Variants in TAFA5 observed in about 807,000 individuals in gnomAD.
TAFA5 encodes TAFA chemokine like family member 5.
Under a neutral mutation model 15.3 loss-of-function variants are expected in TAFA5, and 6 were observed. The ratio of observed to expected loss-of-function variants is 0.39; its 90% CI spans 0.21 to 0.77. The LOEUF is 0.77. Among genes scored for constraint, TAFA5 ranks in the 30% least tolerant of loss-of-function variants. The pLI is 0.41. For missense variants in TAFA5, 161 were observed against 193.1 expected (o/e 0.83, Z 0.98); for synonymous variants, 103 against 80.7 (o/e 1.28, Z -1.48).
intron 1 of TAFA5, among the ~76,000 whole-genome samples, chr22:48,580,884 A>G (rs1601592574): frequency 6.6e-6 from 1 of 152,028 alleles, no homozygotes; most frequent in Non-Finnish European, 1.5e-5. Context: ...TCCTGGGTGC[A>G]TTGTTTTTAT....
intron 1 of TAFA5, among the ~76,000 whole-genome samples, chr22:48,574,230 C>G (rs528613258): frequency 1.3e-5 from 2 of 152,152 alleles, no homozygotes; most frequent in African/African-American, 4.8e-5. Context: ...GAGGCTGGGG[C>G]CACTCCTTTA....
In TAFA5 at chr22:48,735,347, C is replaced by T. The variant is rs188161191; in HGVS notation, c.391-14492C>T. The stretch of plus-strand genomic sequence containing the variant: ...GTGGGGAGCAGGAGGTGGATCACAG[C>T]TGGCCAGCGTGTCTCATAACCTTGT... On this transcript the variant is annotated intron_variant, in intron 3 of 3. Transcript: ENST00000402357. 2.0e-5 allele frequency among the ~76,000 whole-genome samples: 3 copies of T among 152,314 alleles called. No individual in the cohort carries two copies. The East Asian group carries it at 5.8e-4, about 29-fold the overall frequency.
At chr22:48,697,662 T>C (rs575615986) in intron 2 of TAFA5, among the ~76,000 whole-genome samples, 11 of 151,088 alleles carry the variant, frequency 7.3e-5, no homozygotes, top group African/African-American at 2.4e-4. Context: ...GTAATGGTGA[T>C]AGTGCTAATG....
At chr22:48,632,307 G>A (rs1020941150) in intron 1 of TAFA5, among the ~76,000 whole-genome samples, 3 of 152,132 alleles carry the variant, frequency 2.0e-5, no homozygotes, top group South Asian at 2.1e-4. Flanking sequence ...TTAATCCCGC[G>A]GGGTGATTTT....
In TAFA5 at chr22:48,709,007, G is replaced by A. The variant is rs558138126; in HGVS notation, c.390+1163G>A. 2.9e-3 allele frequency among the ~76,000 whole-genome samples: 441 copies of A among 152,312 alleles called. 2 individuals are homozygous for A. The highest frequency in any genetic ancestry group is 5.4e-3 in the Non-Finnish European group (370 of 68,020). The stretch of plus-strand genomic sequence containing the variant: ...TTCGGGGCTCTCAGGGTCGTCTTCT[G>A]AGAGTCGCACGGCTTTCTGCTGCAG... On this transcript the variant is annotated intron_variant, in intron 3 of 3. Coordinates refer to ENST00000402357, the MANE Select transcript of TAFA5 (RefSeq NM_001082967.3).
At chr22:48,584,790 C>T (rs759022141) in intron 1 of TAFA5, among the ~76,000 whole-genome samples, 6 of 149,502 alleles carry the variant, frequency 4.0e-5, no homozygotes, top group Non-Finnish European at 7.4e-5. Flanking sequence ...ACGCTACATG[C>T]CACTCACCAC....
intron 2 of TAFA5, among the ~76,000 whole-genome samples, chr22:48,663,622 A>C (rs1462975371): frequency 6.6e-6 from 1 of 152,218 alleles, no homozygotes; most frequent in Non-Finnish European, 1.5e-5. Context: ...AAAAATATTA[A>C]ATAGAAATTT....
chr22:48,734,974 C>T (rs984990520), intron 3 of TAFA5, among the ~76,000 whole-genome samples: 7 of 152,164 alleles, frequency 4.6e-5, no homozygotes, highest in African/African-American at 1.7e-4. Context: ...TATTGATCTG[C>T]ATGTGGCGTG....
At chr22:48,606,360 C>T (rs1187456525) in intron 1 of TAFA5, among the ~76,000 whole-genome samples, 1 of 152,128 alleles carries the variant, frequency 6.6e-6, no homozygotes, top group Non-Finnish European at 1.5e-5. Context: ...ATACTCCCTT[C>T]CACAAGCAGA....
At chr22:48,577,697 C>T (rs1923868164) in intron 1 of TAFA5, among the ~76,000 whole-genome samples, 1 of 152,242 alleles carries the variant, frequency 6.6e-6, no homozygotes, top group Non-Finnish European at 1.5e-5. Context: ...GCCCGAGACC[C>T]TGTGACCTCC....
intron 1 of TAFA5, among the ~76,000 whole-genome samples, chr22:48,639,432 C>T (rs1926594262): frequency 2.0e-5 from 3 of 152,232 alleles, no homozygotes; most frequent in African/African-American, 2.4e-5. Flanking sequence ...CAGACATCCT[C>T]CCAGATCTGT....
At chr22:48,644,342 C>T (rs903827077) in intron 1 of TAFA5, among the ~76,000 whole-genome samples, 1 of 152,218 alleles carries the variant, frequency 6.6e-6, no homozygotes, top group Non-Finnish European at 1.5e-5. Context: ...ACTTATGCCA[C>T]CCCCTCCCCG....
intron 1 of TAFA5, among the ~76,000 whole-genome samples, chr22:48,610,731 G>A (rs1275451622): frequency 6.6e-6 from 1 of 152,174 alleles, no homozygotes; most frequent in Non-Finnish European, 1.5e-5. Flanking sequence ...TGTTGACTCC[G>A]CCTTGCAGAG....
chr22:48,729,247 T>C (rs1445178286), intron 3 of TAFA5, among the ~76,000 whole-genome samples: 10 of 97,288 alleles, frequency 1.0e-4, no homozygotes, highest in African/African-American at 2.8e-4. Context: ...TATATTTATT[T>C]ATAAATATAT....
rs1569078604 is a variant in TAFA5, at chr22:48,685,959, CCGGGAG to C, written c.263-21757_263-21752del. Among the ~76,000 whole-genome samples, 1,083 of 136,112 alleles carry C rather than the reference CCGGGAG, an allele frequency of 8.0e-3. 19 individuals carry two copies. The highest frequency in any genetic ancestry group is 0.038 in the African/African-American group (997 of 26,542). 89.3% of individuals were successfully genotyped at this position (136,112 alleles called of 152,430 possible). A position where few individuals can be genotyped will look rare whatever the true frequency, so the allele number is the denominator to read the frequency against. ...AGTACACACAGGCCCCACGTGCGCC[CCGGGAG>C]TACACGCAGGCCCCACGTGCGCCCC... On this transcript the variant is annotated intron_variant, in intron 2 of 3. Coordinates refer to ENST00000402357, the MANE Select transcript of TAFA5 (RefSeq NM_001082967.3).
intron 2 of TAFA5, among the ~76,000 whole-genome samples, chr22:48,665,369 G>A (rs1029258212): frequency 2.0e-5 from 3 of 152,160 alleles, no homozygotes; most frequent in Non-Finnish European, 4.4e-5. Context: ...ATTTTGATGA[G>A]CAGAAATTCT....
intron 1 of TAFA5, among the ~76,000 whole-genome samples, chr22:48,596,891 C>T (rs982012269): frequency 8.5e-5 from 13 of 152,182 alleles, no homozygotes; most frequent in African/African-American, 1.7e-4. Context: ...TCACTGCAGC[C>T]TTCACCTCCC....
At chr22:48,508,863 A>G (rs1355847579) in intron 1 of TAFA5, among the ~76,000 whole-genome samples, 1 of 152,052 alleles carries the variant, frequency 6.6e-6, no homozygotes, top group Non-Finnish European at 1.5e-5. Context: ...CATCTGCAGT[A>G]TATTACTCTT....
intron 3 of TAFA5, among the ~76,000 whole-genome samples, chr22:48,731,317 T>C (rs1033352631): frequency 3.3e-5 from 5 of 152,240 alleles, no homozygotes; most frequent in Non-Finnish European, 7.3e-5. Context: ...GCAACTGCTG[T>C]TGGAGAAGCT....
Sources: gnomAD v4.1 joint callset for allele counts (sites outside exome capture counted in the v4.1 genomes callset) on GRCh38, gnomAD v4.1.1 for gene constraint, MANE v1.5 for transcripts, NCBI Gene and HGNC (gene_info 2026-07-23, HGNC 2026-07-21) for gene names.